OPHN1: variants seen among roughly 807,000 people sequenced by gnomAD.
The protein encoded by OPHN1 is oligophrenin 1, also known as oligophrenin-1.
OPHN1 carries 11 observed loss-of-function variants against 60.7 expected under a neutral mutation model. The observed-to-expected ratio is 0.18, with a 90% CI of 0.11 to 0.30. The LOEUF (loss-of-function observed/expected upper bound fraction) is 0.30, where lower values mean the gene tolerates loss of function less well. OPHN1 is among the 10% of genes least tolerant of loss of function. OPHN1 has a pLI of 1.00. For missense variants in OPHN1, 449 were observed against 611.0 expected (o/e 0.73, Z 2.80); for synonymous variants, 226 against 222.6 (o/e 1.02, Z -0.14).
intron 15 of OPHN1, among the ~76,000 whole-genome samples, chrX:68,177,537 T>TA (rs35143852): frequency 3.3e-4 from 35 of 107,616 alleles, no homozygotes; most frequent in East Asian, 1.5e-3. Context: ...ATAATTTAAT[T>TA]AAAAAAAAAG....
intron 15 of OPHN1, among the ~76,000 whole-genome samples, chrX:68,154,425 G>T (rs1950999606): frequency 8.9e-6 from 1 of 112,463 alleles, no homozygotes; most frequent in Admixed American, 9.4e-5. Context: ...TAATTTGTGA[G>T]GACTGATAAG....
At chrX:68,261,794 G>T (rs973494474) in intron 5 of OPHN1, among the ~76,000 whole-genome samples, 2 of 111,523 alleles carry the variant, frequency 1.8e-5, no homozygotes, top group Non-Finnish European at 3.8e-5. Context: ...TCATGGACTC[G>T]CAGCCAAAGA....
chrX:68,261,850 A>C (rs1477555209), intron 5 of OPHN1, among the ~76,000 whole-genome samples: 1 of 111,524 alleles, frequency 9.0e-6, no homozygotes, highest in Non-Finnish European at 1.9e-5. Context: ...TGCCACTGTC[A>C]AATAAGTCTA....
intron 19 of OPHN1, among the ~76,000 whole-genome samples, chrX:68,096,508 T>C (rs1337205304): frequency 1.8e-5 from 2 of 111,691 alleles, no homozygotes; most frequent in African/African-American, 6.5e-5. Flanking sequence ...AGAACATAAA[T>C]ATCTTCTCCC....
chrX:68,267,228 C>T (rs1182553230), intron 5 of OPHN1, among the ~76,000 whole-genome samples: 2 of 111,401 alleles, frequency 1.8e-5, no homozygotes, highest in Admixed American at 9.6e-5. Context: ...AATATACATT[C>T]TTCTCAGCAC....
chrX:68,331,569 T>TA (rs918495677), intron 2 of OPHN1, among the ~76,000 whole-genome samples: 2 of 107,238 alleles, frequency 1.9e-5, no homozygotes, highest in African/African-American at 3.4e-5. Context: ...CAGTCTCTAC[T>TA]AAAAAAACAA....
intron 20 of OPHN1, among the ~76,000 whole-genome samples, chrX:68,067,860 A>G (rs764023930): frequency 8.9e-6 from 1 of 111,995 alleles, no homozygotes; most frequent in African/African-American, 3.2e-5. Flanking sequence ...TTCTCAGAAC[A>G]GTGTTCAGAC....
Position 68,235,276 on chromosome X carries a change from G to A in OPHN1, c.385-688C>T, listed in dbSNP as rs778477414. ...AACTGGAAGAAACACAGCATCTAAA[G>A]TAGCACTAACAATGTTCCTTTGTCA... On this transcript the variant is annotated intron_variant, in intron 5 of 24. Transcript: ENST00000355520. Among the ~76,000 whole-genome samples the A allele has an allele frequency of 8.7e-4, 98 of 112,063 alleles. 1 individual carries two copies. Among genetic ancestry groups the A allele is most frequent in the Middle Eastern group, 4.6e-3 (1 of 217 alleles).
intron 15 of OPHN1, among the ~76,000 whole-genome samples, chrX:68,180,147 T>TC: frequency 8.9e-6 from 1 of 111,812 alleles, no homozygotes; most frequent in East Asian, 2.8e-4. Flanking sequence ...TGAAAAAATG[T>TC]CTACCTTACT....
intron 19 of OPHN1, among the ~76,000 whole-genome samples, chrX:68,082,857 C>A (rs1249934669): frequency 9.0e-6 from 1 of 111,272 alleles, no homozygotes; most frequent in Non-Finnish European, 1.9e-5. Flanking sequence ...TACATGGCAT[C>A]TTCTTCCAAC....
intron 13 of OPHN1, 44 bp downstream of exon 13, chrX:68,194,421 T>C: frequency 1.8e-6 from 2 of 1,093,322 alleles, no homozygotes; most frequent in Non-Finnish European, 2.5e-6. Context: ...ATCGGACAGC[T>C]GGCAGTTTAT....
intron 3 of OPHN1, among the ~76,000 whole-genome samples, chrX:68,284,197 G>T (rs749196315): frequency 1.3e-4 from 14 of 111,318 alleles, no homozygotes; most frequent in African/African-American, 4.6e-4. Context: ...TAAAGGAAAA[G>T]ACTAAATTTC....
At chrX:68,418,234 A>G (rs2078808843) in intron 2 of OPHN1, among the ~76,000 whole-genome samples, 3 of 112,048 alleles carry the variant, frequency 2.7e-5, no homozygotes, top group South Asian at 3.7e-4. Flanking sequence ...AAGGTGAATC[A>G]TTAGAGCAGG....
At chrX:68,286,928 T>C (rs2078043474) in intron 3 of OPHN1, among the ~76,000 whole-genome samples, 1 of 108,321 alleles carries the variant, frequency 9.2e-6, no homozygotes, top group African/African-American at 3.4e-5. Flanking sequence ...GGCAGGAATA[T>C]TGCTTGAAAT....
intron 2 of OPHN1, among the ~76,000 whole-genome samples, chrX:68,319,312 A>G (rs1330375465): frequency 8.9e-6 from 1 of 112,300 alleles, no homozygotes; most frequent in Non-Finnish European, 1.9e-5. Context: ...TTCAAAAATT[A>G]TCTCAAAATG....
At position 68,286,059 on chromosome X, in the gene OPHN1, T is replaced by C. The variant is rs750637000; in HGVS notation, c.251-2942A>G. 2.7e-5 allele frequency among the ~76,000 whole-genome samples: 3 copies of C among 111,356 alleles called. No individual in the cohort carries two copies. In the East Asian group the frequency reaches 8.5e-4, roughly 31 times the overall value. ...GGCAGGTTCTATTAATTGCTTTTTT[T>C]CCCTTGTTCAAGGGTCATATTTTAC... On this transcript the variant is annotated intron_variant, in intron 3 of 24. Transcript: ENST00000355520.
chrX:68,230,432 A>C (rs1008853630), intron 6 of OPHN1, among the ~76,000 whole-genome samples: 1 of 111,347 alleles, frequency 9.0e-6, no homozygotes, highest in Non-Finnish European at 1.9e-5. Flanking sequence ...CCAAAGGATT[A>C]TAAATCATGC....
chrX:68,248,619 G>A (rs1277929042), intron 5 of OPHN1, among the ~76,000 whole-genome samples: 1 of 112,219 alleles, frequency 8.9e-6, no homozygotes, highest in Non-Finnish European at 1.9e-5. Context: ...GGAAATCAGT[G>A]TATCAAAGAG....
At chrX:68,213,767 C>G in intron 7 of OPHN1, 95 bp downstream of exon 7, 1 of 565,262 alleles carries the variant, frequency 1.8e-6, no homozygotes, top group Admixed American at 2.7e-5. Flanking sequence ...TTATCCTTCA[C>G]GTTCTTTGGG....
Sources: allele counts gnomAD v4.1 joint callset (sites outside exome capture counted in the v4.1 genomes callset), GRCh38; gene constraint gnomAD v4.1.1; transcripts MANE v1.5; gene names NCBI Gene and HGNC (gene_info 2026-07-23, HGNC 2026-07-21).